TIAM1: variants seen among roughly 807,000 people sequenced by gnomAD.
TIAM1 encodes TIAM Rac1 associated GEF 1.
A neutral mutation model predicts 163.5 loss-of-function variants in TIAM1; 65 were observed. The observed-to-expected ratio is 0.40, with a 90% CI of 0.33 to 0.49. The LOEUF is 0.49. TIAM1 is among the 20% of genes least tolerant of loss of function. The pLI, the probability that TIAM1 is intolerant of heterozygous loss-of-function variation, is 0.77. For synonymous variants in TIAM1, 833 were observed against 810.1 expected (o/e 1.03, Z -0.48); for missense variants, 1,789 against 2,044.7 (o/e 0.87, Z 2.41).
intron 2 of TIAM1, among the ~76,000 whole-genome samples, chr21:31,415,356 T>A (rs1349385559): frequency 6.6e-6 from 1 of 152,228 alleles, no homozygotes; most frequent in African/African-American, 2.4e-5. Context: ...AGTTACCGTC[T>A]AAGCAAACCC....
chr21:31,402,809 G>A (rs930244219), intron 2 of TIAM1, among the ~76,000 whole-genome samples: 5 of 152,120 alleles, frequency 3.3e-5, no homozygotes, highest in African/African-American at 4.8e-5. Context: ...AAAATTAGCC[G>A]GGCGTGGTAG....
At chr21:31,492,809 ACACAC>A (rs1223375372) in intron 1 of TIAM1, among the ~76,000 whole-genome samples, 1 of 148,790 alleles carries the variant, frequency 6.7e-6, no homozygotes, top group East Asian at 1.9e-4. Context: ...ACACACACAC[ACACAC>A]ACACACACAC....
chr21:31,373,004 G>A (rs370999113), intron 2 of TIAM1, among the ~76,000 whole-genome samples: 61 of 147,398 alleles, frequency 4.1e-4, no homozygotes, highest in African/African-American at 1.4e-3. Flanking sequence ...TCGGTGAGCC[G>A]AGATTGCACC....
intron 19 of TIAM1, among the ~76,000 whole-genome samples, chr21:31,147,693 C>CTATAAAATATATATTTTATATAATA (rs2083187177): frequency 2.2e-5 from 3 of 136,562 alleles, no homozygotes; most frequent in Non-Finnish European, 4.7e-5. Flanking sequence ...AATATATATT[C>CTATAAAATATATATTTTATATAATA]TATAAAATAT....
At chr21:31,429,217 G>T (rs982516133) in intron 2 of TIAM1, among the ~76,000 whole-genome samples, 1 of 152,058 alleles carries the variant, frequency 6.6e-6, no homozygotes, top group Non-Finnish European at 1.5e-5. Context: ...GCCGAGCCTG[G>T]TCTCGAACTC....
Position 31,533,554 on chromosome 21 carries a change from G to A in TIAM1, c.-422+25373C>T, listed in dbSNP as rs1021993991. ...GGCTCACTTGAGGTCGGGAGTTCAA[G>A]ACAAGCCCACTTACAAAAATTATTT... On this transcript the variant is annotated intron_variant, in intron 1 of 28. Transcript: ENST00000286827. Among the ~76,000 whole-genome samples, 4 of 151,982 alleles carry A rather than the reference G, an allele frequency of 2.6e-5. No individual in the cohort carries two copies. In the South Asian group the frequency reaches 8.3e-4, roughly 32 times the overall value.
chr21:31,329,812 A>G (rs2075620534), intron 2 of TIAM1, among the ~76,000 whole-genome samples: 1 of 152,162 alleles, frequency 6.6e-6, no homozygotes, highest in Admixed American at 6.5e-5. Flanking sequence ...ACTTTACTAG[A>G]TGTCATGAGT....
At chr21:31,289,662 T>C (rs566543156) in intron 2 of TIAM1, among the ~76,000 whole-genome samples, 11 of 152,282 alleles carry the variant, frequency 7.2e-5, no homozygotes, top group Non-Finnish European at 8.8e-5. Flanking sequence ...ATTTGTTATG[T>C]AGAAGAAAAC....
At position 31,245,685 on chromosome 21, in the gene TIAM1, CA is replaced by C. The variant is rs754540137; in HGVS notation, c.1412-26del. On this transcript the variant is annotated intron_variant, in intron 5 of 27. Transcript: ENST00000541036. ...CCTGAGGAAACAGAACAGGGGTGTGCATGAGTATTCAGTGCTTGGGAAACAA... is the reference window on the plus strand; with the variant it reads ...CCTGAGGAAACAGAACAGGGGTGTGCTGAGTATTCAGTGCTTGGGAAACAA... 1.1e-5 allele frequency: 17 copies of C among 1,483,224 alleles called. No homozygotes were observed. The African/African-American group carries it at 2.3e-4, about 20-fold the overall frequency. The allele number at this position is 1,483,224 out of a possible 1,614,324, so 91.9% of individuals were successfully genotyped here.
intron 2 of TIAM1, among the ~76,000 whole-genome samples, chr21:31,458,647 T>G (rs959675547): frequency 1.1e-4 from 17 of 151,846 alleles, no homozygotes; most frequent in Non-Finnish European, 2.5e-4. Flanking sequence ...CCTGCATCCT[T>G]GGGAACCCTT....
intron 1 of TIAM1, among the ~76,000 whole-genome samples, chr21:31,534,885 T>C (rs529007740): frequency 6.6e-6 from 1 of 152,220 alleles, no homozygotes; most frequent in Non-Finnish European, 1.5e-5. Context: ...CTGGGAGGAT[T>C]ACTGAGCCCA....
chr21:31,199,681 C>A (rs1328620182), intron 12 of TIAM1, among the ~76,000 whole-genome samples: 1 of 151,970 alleles, frequency 6.6e-6, no homozygotes, highest in Non-Finnish European at 1.5e-5. Context: ...TAGGCGTGTG[C>A]CACCATGCCT....
At chr21:31,543,801 A>T (rs940051978) in intron 1 of TIAM1, among the ~76,000 whole-genome samples, 1 of 152,246 alleles carries the variant, frequency 6.6e-6, no homozygotes, top group Non-Finnish European at 1.5e-5. Flanking sequence ...CAGTAGGGCT[A>T]GCCATAGCCA....
chr21:31,264,206 C>G (rs1282655318), intron 4 of TIAM1, among the ~76,000 whole-genome samples: 1 of 152,072 alleles, frequency 6.6e-6, no homozygotes, highest in African/African-American at 2.4e-5. Flanking sequence ...GAGATTTGGG[C>G]TTCTATTGAA....
At chr21:31,389,825 A>C (rs2076939326) in intron 2 of TIAM1, among the ~76,000 whole-genome samples, 1 of 152,208 alleles carries the variant, frequency 6.6e-6, no homozygotes, top group African/African-American at 2.4e-5. Flanking sequence ...TATATAAATC[A>C]ATTCCTAAAG....
chr21:31,227,321 G>A (rs2088048933), intron 6 of TIAM1, among the ~76,000 whole-genome samples: 1 of 151,942 alleles, frequency 6.6e-6, no homozygotes, highest in Admixed American at 6.6e-5. Flanking sequence ...GCTGGCAGCT[G>A]GAATTTAAGT....
At chr21:31,200,443 G>A (rs1006764931) in intron 12 of TIAM1, among the ~76,000 whole-genome samples, 2 of 152,174 alleles carry the variant, frequency 1.3e-5, no homozygotes, top group South Asian at 2.1e-4. Context: ...AATAGTAGCA[G>A]TGCCTGTGAC....
intron 2 of TIAM1, among the ~76,000 whole-genome samples, chr21:31,301,797 G>C (rs572510653): frequency 2.0e-5 from 3 of 151,378 alleles, no homozygotes; most frequent in Non-Finnish European, 4.4e-5. Context: ...CTGAGATTGC[G>C]TCATTGCACT....
rs1246996371 is a variant in TIAM1 at position 31,125,271 on chromosome 21, T to C, written c.4134-577A>G. On this transcript the variant is annotated intron_variant, in intron 26 of 27. Transcript: ENST00000541036. The stretch of plus-strand genomic sequence containing the variant: ...CTAGGAAGAGTTATTTTTCTTATTA[T>C]ATTCCCAATATTTTTACCCAGGTAA... 2.0e-4 allele frequency among the ~76,000 whole-genome samples: 31 copies of C among 151,914 alleles called. 1 individual carries two copies. The highest frequency in any genetic ancestry group is 4.4e-4 in the Non-Finnish European group (30 of 67,984).
Sources: allele counts gnomAD v4.1 joint callset (sites outside exome capture counted in the v4.1 genomes callset), GRCh38; gene constraint gnomAD v4.1.1; transcripts MANE v1.5; gene names NCBI Gene and HGNC (gene_info 2026-07-23, HGNC 2026-07-21).